The following PIGL variants were observed in gnomAD, a reference collection of about 807,000 sequenced individuals.
PIGL encodes the protein phosphatidylinositol glycan anchor biosynthesis class L.
In PIGL, 22 loss-of-function variants were observed where a neutral mutation model predicts 31.1. The ratio of observed to expected loss-of-function variants is 0.71; its 90% confidence interval spans 0.51 to 1.01. PIGL has a LOEUF of 1.01. Ranked by LOEUF, PIGL falls within the 50% of genes least tolerant of loss-of-function variation. PIGL has a pLI of 0.00. For missense variants in PIGL, 302 were observed against 315.9 expected, an observed-to-expected ratio of 0.96 and a Z score of 0.33; for synonymous variants, 131 against 117.4, an observed-to-expected ratio of 1.12 and a Z score of -0.75.
At chr17:16,253,658 A>C (rs1450849553) in intron 2 of PIGL, among the ~76,000 whole-genome samples, 1 of 152,142 alleles carries the variant, frequency 6.6e-6, no homozygotes, top group Admixed American at 6.6e-5. Context: ...AAATAGGTAG[A>C]ACTGGCCAGA....
chr17:16,303,665 A>C (rs1380274312), intron 3 of PIGL, among the ~76,000 whole-genome samples: 3 of 151,472 alleles, frequency 2.0e-5, no homozygotes, highest in African/African-American at 7.3e-5. Context: ...CAGCCTCCTG[A>C]GTAGCTGGGA....
intron 2 of PIGL, among the ~76,000 whole-genome samples, chr17:16,264,653 G>T (rs2092834650): frequency 7.0e-6 from 1 of 143,824 alleles, no homozygotes; most frequent in African/African-American, 2.6e-5. Flanking sequence ...TTATTATTTT[G>T]AGACAGAGTC....
intron 3 of PIGL, among the ~76,000 whole-genome samples, chr17:16,310,033 G>C (rs1480534180): frequency 2.2e-5 from 3 of 133,594 alleles, no homozygotes; most frequent in African/African-American, 8.6e-5. Flanking sequence ...AGCCAAGATC[G>C]CACCACTGCA....
At chr17:16,227,132 G>A (rs1190106859) in intron 1 of PIGL, among the ~76,000 whole-genome samples, 4 of 149,144 alleles carry the variant, frequency 2.7e-5, no homozygotes, top group Admixed American at 6.7e-5. Context: ...TTTTTGAGAC[G>A]GAGTCTCCCT....
intron 2 of PIGL, among the ~76,000 whole-genome samples, chr17:16,280,431 C>A (rs945258481): frequency 2.0e-5 from 3 of 152,172 alleles, no homozygotes; most frequent in Non-Finnish European, 4.4e-5. Flanking sequence ...ACTTGCTGTT[C>A]ATGTTTAGCT....
intron 2 of PIGL, among the ~76,000 whole-genome samples, chr17:16,236,013 T>G (rs1437743082): frequency 6.6e-6 from 1 of 152,174 alleles, no homozygotes; most frequent in East Asian, 1.9e-4. Flanking sequence ...TGCAAAATGC[T>G]TAGTTTCCAA....
At chr17:16,219,858 C>T (rs1176861866) in intron 1 of PIGL, among the ~76,000 whole-genome samples, 4 of 151,872 alleles carry the variant, frequency 2.6e-5, no homozygotes, top group South Asian at 2.1e-4. Context: ...CCACCACACC[C>T]GGCTGGCCAG....
chr17:16,224,717 C>T (rs1020048889), intron 1 of PIGL, among the ~76,000 whole-genome samples: 1 of 152,060 alleles, frequency 6.6e-6, no homozygotes, highest in African/African-American at 2.4e-5. Context: ...AGTGCAGTGG[C>T]GCAGTCTCGG....
intron 4 of PIGL, among the ~76,000 whole-genome samples, chr17:16,315,792 T>C (rs2093074263): frequency 7.7e-6 from 1 of 129,056 alleles, no homozygotes; most frequent in South Asian, 2.7e-4. Context: ...CTCAGCTCAC[T>C]GCAGCCTCCG....
chr17:16,234,871 C>T (rs1325655378), intron 2 of PIGL, among the ~76,000 whole-genome samples: 1 of 152,134 alleles, frequency 6.6e-6, no homozygotes, highest in Non-Finnish European at 1.5e-5. Flanking sequence ...GGGTACTTCT[C>T]TTTACATCTA....
At chr17:16,254,443 T>C (rs1025577809) in intron 2 of PIGL, among the ~76,000 whole-genome samples, 5 of 151,818 alleles carry the variant, frequency 3.3e-5, no homozygotes, top group African/African-American at 1.2e-4. Flanking sequence ...TAATTTTGTA[T>C]TTTTAGTAGA....
intron 2 of PIGL, among the ~76,000 whole-genome samples, chr17:16,248,696 C>T (rs909901893): frequency 5.3e-5 from 8 of 152,180 alleles, no homozygotes; most frequent in African/African-American, 1.9e-4. Flanking sequence ...TAGCATTCAC[C>T]TCAAAACTCC....
At chr17:16,225,332 G>C (rs183862956) in intron 1 of PIGL, among the ~76,000 whole-genome samples, 53 of 150,644 alleles carry the variant, frequency 3.5e-4, no homozygotes, top group Admixed American at 3.2e-3. Context: ...TTCATTCGGG[G>C]TGACTCGGTT....
chr17:16,281,767 AAAG>A (rs1287731809), intron 2 of PIGL, among the ~76,000 whole-genome samples: 7 of 152,224 alleles, frequency 4.6e-5, no homozygotes, highest in African/African-American at 1.2e-4. Flanking sequence ...GCTAAAGGAG[AAAG>A]AAGAAGGGGA....
intron 3 of PIGL, among the ~76,000 whole-genome samples, chr17:16,301,672 C>T (rs1287443839): frequency 1.0e-4 from 15 of 149,828 alleles, no homozygotes; most frequent in African/African-American, 2.7e-4. Context: ...CCCGGGTTCA[C>T]GCCATTCTCC....
At chr17:16,217,825 A>G (rs1019663443) in intron 1 of PIGL, 3 of 218,478 alleles carry the variant, frequency 1.4e-5, no homozygotes, top group African/African-American at 6.9e-5. Context: ...ACACGAAACA[A>G]TCTATGCTGT....
rs531101577 is a variant in PIGL, at chr17:16,240,260, A to C, written c.335+6190A>C. On this transcript the variant is annotated intron_variant, in intron 2 of 6. Coordinates refer to ENST00000225609, the MANE Select transcript of PIGL (RefSeq NM_004278.4). ...ATTGGAAGCTTCCTGAGGCCTCCTC[A>C]AAAGTGGAAACTGCTATGCTTCCTT... 4.3e-4 allele frequency among the ~76,000 whole-genome samples: 66 copies of C among 152,190 alleles called. 1 individual carries two copies. The South Asian group carries it at 0.013, about 31-fold the overall frequency.
At chr17:16,241,363 C>T (rs2092722598) in intron 2 of PIGL, among the ~76,000 whole-genome samples, 2 of 151,280 alleles carry the variant, frequency 1.3e-5, no homozygotes, top group South Asian at 2.1e-4. Flanking sequence ...CTGAGGTGGG[C>T]GGATCACCTG....
At chr17:16,316,170 A>T (rs928859070) in intron 4 of PIGL, among the ~76,000 whole-genome samples, 5 of 152,086 alleles carry the variant, frequency 3.3e-5, no homozygotes, top group Non-Finnish European at 5.9e-5. Context: ...CAGCTTTCTA[A>T]ACAACAAAGT....
Sources: allele counts gnomAD v4.1 joint callset (sites outside exome capture counted in the v4.1 genomes callset), GRCh38; gene constraint gnomAD v4.1.1; transcripts MANE v1.5; gene names NCBI Gene and HGNC (gene_info 2026-07-23, HGNC 2026-07-21).